The following KPNA3 variants were observed in gnomAD, a reference collection of about 807,000 sequenced individuals.
KPNA3 encodes the protein importin subunit alpha-4.
A neutral mutation model predicts 73.8 loss-of-function variants in KPNA3; 13 were observed. That is an observed-to-expected ratio of 0.18 (90% confidence interval 0.11 to 0.28). KPNA3 has a LOEUF of 0.28. Ranked by LOEUF, KPNA3 falls within the 10% of genes least tolerant of loss-of-function variation. The pLI is 1.00. For synonymous variants in KPNA3, 186 were observed against 206.9 expected, an observed-to-expected ratio of 0.90 and a Z score of 0.87; for missense variants, 360 against 618.1, an observed-to-expected ratio of 0.58 and a Z score of 4.43.
chr13:49,765,941 C>T (rs1954804397), intron 1 of KPNA3, among the ~76,000 whole-genome samples: 1 of 152,164 alleles, frequency 6.6e-6, no homozygotes, highest in Non-Finnish European at 1.5e-5. Flanking sequence ...CTCTCCTGAA[C>T]TAAAGTATCT....
intron 16 of KPNA3, 138 bp from the exon 17 acceptor site, chr13:49,702,036 A>G (rs75361560): frequency 0.02 from 11,827 of 598,452 alleles, 169 homozygotes; most frequent in South Asian, 0.027. Flanking sequence ...GTAAATCAAT[A>G]ATTTTATTAA....
At chr13:49,773,605 A>G (rs1054869136) in intron 1 of KPNA3, among the ~76,000 whole-genome samples, 5 of 152,216 alleles carry the variant, frequency 3.3e-5, no homozygotes, top group Admixed American at 6.5e-5. Flanking sequence ...ATAAATAAAT[A>G]AAATTTACAA....
In KPNA3 at chr13:49,701,337, A is replaced by G. The variant is rs990756579; in HGVS notation, c.*463T>C. The G allele has an allele frequency of 1.8e-5, 4 of 226,204 alleles. No individual in the cohort carries two copies. The highest frequency in any genetic ancestry group is 9.2e-5 in the African/African-American group (4 of 43,328). 14.0% of individuals were successfully genotyped at this position (226,204 alleles called of 1,614,324 possible). On this transcript the variant is annotated 3_prime_UTR_variant, in exon 17 of 17. Coordinates refer to ENST00000261667, the MANE Select transcript of KPNA3 (RefSeq NM_002267.4). ...TCTATTCTTCCACATAAAGAATATGAAAATATGTTTGTGGAGGACAATGAT... is the reference window on the plus strand; with the variant it reads ...TCTATTCTTCCACATAAAGAATATGGAAATATGTTTGTGGAGGACAATGAT...
At chr13:49,704,565 A>C (rs1331718287) in intron 15 of KPNA3, among the ~76,000 whole-genome samples, 2 of 151,986 alleles carry the variant, frequency 1.3e-5, no homozygotes, top group Admixed American at 6.5e-5. Flanking sequence ...ATAAATAAAC[A>C]ATAGAATATT....
chr13:49,765,310 G>T (rs1034856026), intron 1 of KPNA3, among the ~76,000 whole-genome samples: 1 of 151,980 alleles, frequency 6.6e-6, no homozygotes, highest in African/African-American at 2.4e-5. Context: ...CATCTAAAAC[G>T]TACTATTTAT....
At chr13:49,715,583 C>T (rs746119405) in intron 10 of KPNA3, among the ~76,000 whole-genome samples, 1 of 151,804 alleles carries the variant, frequency 6.6e-6, no homozygotes, top group Non-Finnish European at 1.5e-5. Context: ...ATAAAGGAGT[C>T]GAAAAATGTC....
chr13:49,784,891 ATCTAATT>A (rs1226177899), intron 1 of KPNA3, among the ~76,000 whole-genome samples: 2 of 152,340 alleles, frequency 1.3e-5, no homozygotes, highest in Admixed American at 1.3e-4. Context: ...GAAAAATAAA[ATCTAATT>A]AAAATACATT....
rs4942865 is a variant in KPNA3, at chr13:49,766,149, C to G, written c.70-19156G>C. Among the ~76,000 whole-genome samples the G allele has an allele frequency of 9.9e-5, 15 of 152,202 alleles. No homozygotes were observed. The Middle Eastern group carries it at 0.01, about 104-fold the overall frequency. On this transcript the variant is annotated intron_variant, in intron 1 of 16. Coordinates refer to ENST00000261667, the MANE Select transcript of KPNA3 (RefSeq NM_002267.4). ...AAAATAAACATTAATAAAAGCAGCT[C>G]GTGTCACGAAGCAGGCAGTCATCAA...
intron 2 of KPNA3, among the ~76,000 whole-genome samples, chr13:49,739,012 T>C (rs1274690931): frequency 6.6e-6 from 1 of 152,196 alleles, no homozygotes; most frequent in African/African-American, 2.4e-5. Context: ...TCCTTTCTAT[T>C]CCTTTTATCA....
At chr13:49,712,538 C>T (rs142666286) in intron 10 of KPNA3, among the ~76,000 whole-genome samples, 188 of 151,670 alleles carry the variant, frequency 1.2e-3, no homozygotes, top group African/African-American at 4.4e-3. Context: ...TCAGGAACTT[C>T]CAGCACAATA....
intron 12 of KPNA3, among the ~76,000 whole-genome samples, chr13:49,707,093 TA>T (rs1954215209): frequency 1.3e-5 from 2 of 152,196 alleles, no homozygotes. Context: ...CTACTTCTAA[TA>T]AAGGTGATTT....
Position 49,774,640 on chromosome 13 carries a change from A to G in KPNA3, c.69+17798T>C, listed in dbSNP as rs76884878. On this transcript the variant is annotated intron_variant, in intron 1 of 16. Transcript: ENST00000261667. Reference sequence around the variant, plus strand: ...TATGTTACCAAAACAAAAGAAAAGCATAGGGAGGGATATGTTGGTTAAATT... The same window carrying G: ...TATGTTACCAAAACAAAAGAAAAGCGTAGGGAGGGATATGTTGGTTAAATT... Among the ~76,000 whole-genome samples, 1,209 of 152,356 alleles carry G rather than the reference A, an allele frequency of 7.9e-3. 7 individuals carry two copies. The highest frequency in any genetic ancestry group is 0.013 in the Non-Finnish European group (905 of 68,032).
intron 1 of KPNA3, among the ~76,000 whole-genome samples, chr13:49,753,018 C>A (rs1312996297): frequency 1.0e-5 from 1 of 95,516 alleles, no homozygotes. Context: ...CAGAGCGAGA[C>A]TCTGTCTCAA....
intron 2 of KPNA3, among the ~76,000 whole-genome samples, chr13:49,733,666 C>A (rs1954492979): frequency 6.6e-6 from 1 of 152,158 alleles, no homozygotes; most frequent in Admixed American, 6.6e-5. Context: ...CATATCCAGT[C>A]CCGCACTGAC....
rs1954259317 is a variant in KPNA3 at position 49,711,373 on chromosome 13, A to G, written c.772-351T>C. Among the ~76,000 whole-genome samples, 2 of 152,262 alleles carry G rather than the reference A, an allele frequency of 1.3e-5. 1 individual carries two copies. Among genetic ancestry groups the G allele is most frequent in the South Asian group, 4.1e-4 (2 of 4,834 alleles). ...ATAATCCCACAGAAAAACACTATTTACAAGAATGAGGCCAACACACCATAC... is the reference window on the plus strand; with the variant it reads ...ATAATCCCACAGAAAAACACTATTTGCAAGAATGAGGCCAACACACCATAC... On this transcript the variant is annotated intron_variant, in intron 10 of 16. Coordinates refer to ENST00000261667, the MANE Select transcript of KPNA3 (RefSeq NM_002267.4).
chr13:49,788,003 T>C lies in KPNA3; in HGVS notation c.69+4435A>G, dbSNP rs114454371. On this transcript the variant is annotated intron_variant, in intron 1 of 16. Transcript: ENST00000261667. ...CCGCTTAGCATAAAGCTTTGATATA[T>C]TGTAAGTCCAGGCTTTGCCACTTAA... Among the ~76,000 whole-genome samples, 338 of 152,298 alleles carry C rather than the reference T, an allele frequency of 2.2e-3. 2 individuals are homozygous for C. Among genetic ancestry groups the C allele is most frequent in the African/African-American group, 7.3e-3 (303 of 41,572 alleles).
chr13:49,733,651 C>T (rs889836384), intron 2 of KPNA3, among the ~76,000 whole-genome samples: 1 of 152,168 alleles, frequency 6.6e-6, no homozygotes, highest in Non-Finnish European at 1.5e-5. Flanking sequence ...AGTAATTCCC[C>T]TTCCCATATC....
In KPNA3 at chr13:49,719,667, C is replaced by T. The variant is rs764762783; in HGVS notation, c.771+108G>A. 7.7e-5 allele frequency: 60 copies of T among 777,628 alleles called. 1 individual carries two copies. Among genetic ancestry groups the T allele is most frequent in the East Asian group, 5.6e-4 (21 of 37,772 alleles). The allele number at this position is 777,628 out of a possible 1,614,324, so 48.2% of individuals were successfully genotyped here. The stretch of plus-strand genomic sequence containing the variant: ...ATCCTATTTCTGAAAACTGTAAATA[C>T]GTTGTAGAAACTTGACAAGTTGATA... On this transcript the variant is annotated intron_variant, in intron 10 of 16. Coordinates refer to ENST00000261667, the MANE Select transcript of KPNA3 (RefSeq NM_002267.4).
At chr13:49,722,849 A>AAAAAT (rs1256862043) in intron 7 of KPNA3, among the ~76,000 whole-genome samples, 2 of 151,016 alleles carry the variant, frequency 1.3e-5, no homozygotes, top group Non-Finnish European at 3.0e-5. Flanking sequence ...AAAAAAAAAA[A>AAAAAT]AAAGAGTTCC....
Sources: gnomAD v4.1 joint callset for allele counts (sites outside exome capture counted in the v4.1 genomes callset) on GRCh38, gnomAD v4.1.1 for gene constraint, MANE v1.5 for transcripts, NCBI Gene and HGNC (gene_info 2026-07-23, HGNC 2026-07-21) for gene names.